Variants in TENM2 observed in about 807,000 individuals in gnomAD.
TENM2 encodes teneurin transmembrane protein 2, also known as teneurin-2.
A neutral mutation model predicts 245.2 loss-of-function variants in TENM2; 52 were observed. That is an observed-to-expected ratio of 0.21 (90% CI 0.17 to 0.27). TENM2 has a LOEUF of 0.27. Among genes scored for constraint, TENM2 ranks in the 10% least tolerant of loss-of-function variants. The probability of loss-of-function intolerance (pLI) is 1.00; values close to 1 mark genes in which losing one functional copy is unlikely to be tolerated. For missense variants in TENM2, 3,046 were observed against 3,666.8 expected (o/e 0.83, Z 4.37); for synonymous variants, 1,363 against 1,438.9 (o/e 0.95, Z 1.19).
At chr5:166,997,810 A>G in the TENM2 span, among the ~76,000 whole-genome samples, 2 of 152,208 alleles carry the variant, frequency 1.3e-5, no homozygotes, top group African/African-American at 4.8e-5. Flanking sequence ...GACTTATGCT[A>G]AGTGCCGGGG....
At chr5:167,893,129 T>A (rs142440328) in intron 3 of TENM2, among the ~76,000 whole-genome samples, 1 of 152,308 alleles carries the variant, frequency 6.6e-6, no homozygotes, top group African/African-American at 2.4e-5. Flanking sequence ...CTCCTGTAAG[T>A]AACTGGGTTT....
chr5:167,996,339 G>A (rs1784046244), intron 5 of TENM2, among the ~76,000 whole-genome samples: 1 of 152,052 alleles, frequency 6.6e-6, no homozygotes, highest in Admixed American at 6.6e-5. Flanking sequence ...CCCTCTCTGT[G>A]CCAAATTCTC....
At chr5:167,477,681 T>C (rs940279587) in intron 2 of TENM2, among the ~76,000 whole-genome samples, 2 of 152,176 alleles carry the variant, frequency 1.3e-5, no homozygotes, top group Non-Finnish European at 2.9e-5. Context: ...AAAGTGTTGA[T>C]TGGTGAGGTT....
intron 5 of TENM2, among the ~76,000 whole-genome samples, chr5:168,036,208 C>T (rs1787651675): frequency 6.6e-6 from 1 of 152,174 alleles, no homozygotes; most frequent in African/African-American, 2.4e-5. Context: ...GAATGTCACT[C>T]TGCTGTCATT....
chr5:167,532,824 G>GTATA (rs1470026065), intron 2 of TENM2, among the ~76,000 whole-genome samples: 1 of 96,646 alleles, frequency 1.0e-5, no homozygotes. Context: ...GTGTGTGTGT[G>GTATA]TGTATATATA....
chr5:167,884,891 A>G (rs1774166015), intron 3 of TENM2, among the ~76,000 whole-genome samples: 1 of 152,198 alleles, frequency 6.6e-6, no homozygotes, highest in Admixed American at 6.5e-5. Flanking sequence ...CAAGGGCTCC[A>G]GTCACTCTAC....
the TENM2 span, among the ~76,000 whole-genome samples, chr5:167,022,155 G>A: frequency 1.3e-5 from 2 of 152,182 alleles, no homozygotes; most frequent in Admixed American, 6.5e-5. Flanking sequence ...AGAAAGAGAA[G>A]AGGAAATTCT....
intron 5 of TENM2, among the ~76,000 whole-genome samples, chr5:168,024,963 C>T (rs1254312261): frequency 3.3e-5 from 5 of 152,282 alleles, no homozygotes; most frequent in African/African-American, 7.2e-5. Flanking sequence ...AGGCTTCCTC[C>T]GTGTTATCTC....
intron 2 of TENM2, among the ~76,000 whole-genome samples, chr5:167,656,358 A>G (rs867815763): frequency 6.6e-6 from 1 of 152,178 alleles, no homozygotes; most frequent in Non-Finnish European, 1.5e-5. Context: ...AGATGAAAGC[A>G]TGAGCACGCA....
rs77624425 is a variant in TENM2, at chr5:167,420,377, A to G, written c.502+44904A>G. Among the ~76,000 whole-genome samples the G allele has an allele frequency of 7.4e-3, 1,120 of 152,272 alleles. 18 individuals carry two copies. Among genetic ancestry groups the G allele is most frequent in the African/African-American group, 0.026 (1,075 of 41,564 alleles). ...CCTCTCTACTGTACTGTGAATGAGG[A>G]CATGTATAGCTGGTAATAAGTATGA... On this transcript the variant is annotated intron_variant, in intron 2 of 28. Coordinates refer to ENST00000518659, the Ensembl canonical transcript of TENM2.
chr5:167,910,747 CTAAA>C (rs1404066469), intron 3 of TENM2, among the ~76,000 whole-genome samples: 1 of 152,200 alleles, frequency 6.6e-6, no homozygotes, highest in Non-Finnish European at 1.5e-5. Context: ...AATACTCTTA[CTAAA>C]TAGTGTCCTT....
the TENM2 span, among the ~76,000 whole-genome samples, chr5:166,979,030 T>C: frequency 6.6e-6 from 1 of 151,732 alleles, no homozygotes; most frequent in South Asian, 2.1e-4. Context: ...AGCGCGTGTG[T>C]GCGCGCGAGA....
At chr5:167,993,082 C>T in exon 5 of TENM2, 2 of 1,614,052 alleles carry the variant, frequency 1.2e-6, no homozygotes, top group Non-Finnish European at 1.7e-6. Flanking sequence ...GGAAGGCTTT[C>T]AAGCTGAAGA....
intron 15 of TENM2, among the ~76,000 whole-genome samples, chr5:168,197,699 CAAAAAAAAAA>C: frequency 1.2e-5 from 1 of 83,692 alleles, no homozygotes; most frequent in South Asian, 4.2e-4. Context: ...GACTCCATCC[CAAAAAAAAAA>C]AAAAAAAAAG....
intron 5 of TENM2, chr5:168,033,143 T>G (rs1328197169): frequency 2.0e-5 from 3 of 152,222 alleles, no homozygotes; most frequent in Admixed American, 1.3e-4. Flanking sequence ...GAGGATTTAT[T>G]TTTTCGTGCC....
intron 2 of TENM2, among the ~76,000 whole-genome samples, chr5:167,379,051 C>G (rs1760940455): frequency 6.6e-6 from 1 of 152,138 alleles, no homozygotes; most frequent in Admixed American, 6.6e-5. Context: ...TTCCCCTCCC[C>G]TCTCCATGTC....
the TENM2 span, among the ~76,000 whole-genome samples, chr5:167,086,366 C>T: frequency 6.6e-6 from 1 of 152,144 alleles, no homozygotes; most frequent in South Asian, 2.1e-4. Flanking sequence ...CTGGGACATG[C>T]GTATCTTGGT....
At chr5:168,061,966 A>C in intron 6 of TENM2, 94 bp from the exon 9 acceptor site, 1 of 1,157,050 alleles carries the variant, frequency 8.6e-7, no homozygotes, top group East Asian at 2.6e-5. Context: ...TTAAAACAAC[A>C]ACAAAAAAAA....
At chr5:167,141,735 G>A in the TENM2 span, among the ~76,000 whole-genome samples, 2 of 152,118 alleles carry the variant, frequency 1.3e-5, no homozygotes, top group African/African-American at 4.8e-5. Context: ...ACTGGGTAGA[G>A]CACTGGCTAT....
Sources: allele counts gnomAD v4.1 joint callset (sites outside exome capture counted in the v4.1 genomes callset), GRCh38; gene constraint gnomAD v4.1.1; transcripts MANE v1.5; gene names NCBI Gene and HGNC (gene_info 2026-07-23, HGNC 2026-07-21).